The following ORC2 variants were observed in gnomAD, a reference collection of about 807,000 sequenced individuals.
ORC2 encodes origin recognition complex protein 2 homolog.
In ORC2, 37 loss-of-function variants were observed where a neutral mutation model predicts 77.7. The observed-to-expected ratio is 0.48, with a 90% CI of 0.37 to 0.63. ORC2 has a LOEUF of 0.63. Among genes scored for constraint, ORC2 ranks in the 20% least tolerant of loss-of-function variants. ORC2 has a pLI of 0.00. For missense variants in ORC2, 557 were observed against 661.9 expected (o/e 0.84, Z 1.74); for synonymous variants, 201 against 229.5 (o/e 0.88, Z 1.12).
chr2:200,958,260 C>T (rs2041509632), intron 2 of ORC2, 127 bp from the exon 3 acceptor site: 3 of 577,974 alleles, frequency 5.2e-6, no homozygotes, highest in South Asian at 2.3e-5. Context: ...ATAAAAAATA[C>T]ATTATGCATT....
intron 2 of ORC2, 95 bp from the exon 3 acceptor site, chr2:200,958,228 T>C (rs2041508816): frequency 1.2e-5 from 8 of 690,894 alleles, no homozygotes; most frequent in Non-Finnish European, 2.0e-5. Context: ...CTTTATCTAA[T>C]ATTTTTAAAG....
intron 6 of ORC2, among the ~76,000 whole-genome samples, chr2:200,942,250 A>T (rs894200030): frequency 2.0e-5 from 3 of 152,218 alleles, no homozygotes; most frequent in African/African-American, 4.8e-5. Flanking sequence ...AAAAACAAAA[A>T]CAAAAATATA....
chr2:200,920,608 AT>A (rs1314736473), intron 14 of ORC2, among the ~76,000 whole-genome samples: 1 of 152,214 alleles, frequency 6.6e-6, no homozygotes, highest in African/African-American at 2.4e-5. Context: ...ATAAATTAAA[AT>A]CTTAGCACTA....
chr2:200,936,514 G>A (rs551018734), intron 8 of ORC2, among the ~76,000 whole-genome samples: 2 of 152,276 alleles, frequency 1.3e-5, no homozygotes, highest in South Asian at 4.1e-4. Context: ...TAAAAGATAG[G>A]AAGAATCTGG....
intron 11 of ORC2, among the ~76,000 whole-genome samples, chr2:200,928,153 C>T (rs1051993022): frequency 5.3e-5 from 8 of 151,166 alleles, no homozygotes; most frequent in Admixed American, 2.0e-4. Context: ...GCCAGGAATT[C>T]GAGACCAGCC....
chr2:200,918,731 C>T (rs1225607914), intron 15 of ORC2, among the ~76,000 whole-genome samples: 2 of 152,108 alleles, frequency 1.3e-5, no homozygotes, highest in Non-Finnish European at 2.9e-5. Flanking sequence ...TCAAGTGATC[C>T]ACCCGCTTCG....
Position 200,935,705 on chromosome 2 carries a change from A to C in ORC2, c.702T>G (p.Asp234Glu), listed in dbSNP as rs765716784. The C allele has an allele frequency of 4.4e-6, 7 of 1,600,110 alleles. No individual in the cohort carries two copies. The highest frequency in any genetic ancestry group is 5.1e-6 in the Non-Finnish European group (6 of 1,175,032). The change falls in exon 9 of 18, where the codon GAT (aspartate) becomes GAG (glutamate). Residue 234 changes from aspartate to glutamate, a missense_variant. Transcript: ENST00000234296. Reference protein sequence around the residue: ...KETPSKRMKRDKTSDLVEEYF... With the variant: ...KETPSKRMKREKTSDLVEEYF... Reference sequence around the variant, plus strand: ...AGTCTCTCTCTTCACTTACTGTTTTATCTCTTTTCATTCTCTTAGAAGGTG... The same window carrying C: ...AGTCTCTCTCTTCACTTACTGTTTTCTCTCTTTTCATTCTCTTAGAAGGTG...
chr2:200,924,070 T>A (rs73059141), intron 13 of ORC2, among the ~76,000 whole-genome samples: 34,589 of 152,070 alleles, frequency 0.23, 4,718 homozygotes, highest in African/African-American at 0.38. Flanking sequence ...ATGTATATTG[T>A]CTGGCTGGGC....
At chr2:200,949,819 TA>T (rs1309038709) in intron 4 of ORC2, among the ~76,000 whole-genome samples, 176 bp from the exon 5 acceptor site, 1 of 152,178 alleles carries the variant, frequency 6.6e-6, no homozygotes, top group East Asian at 1.9e-4. Flanking sequence ...TGAAACTGTT[TA>T]TATAAGTTTT....
chr2:200,913,606 A>C, intron 16 of ORC2, 193 bp from the exon 17 acceptor site: 1 of 1,288,570 alleles, frequency 7.8e-7, no homozygotes, highest in Non-Finnish European at 9.8e-7. Flanking sequence ...ATGTTTGTTG[A>C]AATCATTTTT....
intron 4 of ORC2, among the ~76,000 whole-genome samples, chr2:200,954,158 G>T (rs1293131237): frequency 6.6e-6 from 1 of 151,384 alleles, no homozygotes; most frequent in Non-Finnish European, 1.5e-5. Flanking sequence ...TCAGCCTCCC[G>T]AGTAGCTGAG....
chr2:200,912,070 G>T (rs978511516), intron 17 of ORC2, among the ~76,000 whole-genome samples: 3 of 152,090 alleles, frequency 2.0e-5, no homozygotes, highest in African/African-American at 4.8e-5. Context: ...TCACATCCTG[G>T]TTTTCTTCCT....
rs1446329661 is a variant in ORC2 at position 200,911,113 on chromosome 2, A to G, written c.*188T>C. On this transcript the variant is annotated 3_prime_UTR_variant, in exon 18 of 18. Coordinates refer to ENST00000234296, the MANE Select transcript of ORC2 (RefSeq NM_006190.5). ...TTTTCTCCAACTTGAGGACCGCTGC[A>G]TAGTACTAGACGGTACCAGCCAGGC... 3 of 502,402 alleles carry G rather than the reference A, an allele frequency of 6.0e-6. No individual in the cohort carries two copies. Among genetic ancestry groups the G allele is most frequent in the Non-Finnish European group, 7.2e-6 (2 of 279,448 alleles). 31.1% of individuals were successfully genotyped at this position (502,402 alleles called of 1,614,324 possible).
At chr2:200,913,620 A>G (rs2040588994) in intron 16 of ORC2, 1 of 1,296,060 alleles carries the variant, frequency 7.7e-7, no homozygotes, top group Non-Finnish European at 9.8e-7. Flanking sequence ...CATTTTTGCC[A>G]AAGGGGAAGA....
chr2:200,943,867 G>A (rs1240091191), intron 5 of ORC2, among the ~76,000 whole-genome samples: 2 of 150,082 alleles, frequency 1.3e-5, no homozygotes, highest in African/African-American at 2.5e-5. Flanking sequence ...ACATTATCCT[G>A]GTTCCCAAGC....
chr2:200,913,443 G>T (rs755381940), intron 16 of ORC2, 30 bp from the exon 17 acceptor site: 6 of 1,558,736 alleles, frequency 3.8e-6, no homozygotes, highest in Non-Finnish European at 5.2e-6. Context: ...ATGAACATAA[G>T]TCAGCACTTA....
intron 5 of ORC2, among the ~76,000 whole-genome samples, chr2:200,947,129 T>A (rs147395273): frequency 6.6e-6 from 1 of 152,086 alleles, no homozygotes; most frequent in Non-Finnish European, 1.5e-5. Flanking sequence ...CTTGAACTCC[T>A]GACCTCAAGT....
intron 14 of ORC2, 70 bp downstream of exon 14, chr2:200,920,923 A>T: frequency 8.7e-7 from 1 of 1,152,512 alleles, no homozygotes. Flanking sequence ...AAATTTTCTG[A>T]TTTATATTAA....
At chr2:200,957,983 TA>T in intron 3 of ORC2, 46 bp downstream of exon 3, 1 of 1,160,382 alleles carries the variant, frequency 8.6e-7, no homozygotes, top group African/African-American at 1.5e-5. Flanking sequence ...AAATAATCCA[TA>T]AACATTATAA....
Sources: allele counts gnomAD v4.1 joint callset (sites outside exome capture counted in the v4.1 genomes callset), GRCh38; gene constraint gnomAD v4.1.1; transcripts MANE v1.5; gene names NCBI Gene and HGNC (gene_info 2026-07-23, HGNC 2026-07-21).